The following SIAH3 variants were observed in gnomAD, a reference collection of about 807,000 sequenced individuals.
SIAH3 encodes siah E3 ubiquitin protein ligase family member 3.
In SIAH3, 9 loss-of-function variants were observed where a neutral mutation model predicts 12.6. That is an observed-to-expected ratio of 0.72 (90% CI 0.43 to 1.25). SIAH3 has a LOEUF of 1.25. Among genes scored for constraint, SIAH3 ranks in the 50% most tolerant of loss-of-function variants. SIAH3 has a pLI of 0.00. For synonymous variants in SIAH3, 154 were observed against 151.1 expected, an observed-to-expected ratio of 1.02 and a Z score of -0.14; for missense variants, 390 against 365.4, an observed-to-expected ratio of 1.07 and a Z score of -0.55.
chr13:45,849,912 A>G (rs1440315067), intron 1 of SIAH3, among the ~76,000 whole-genome samples: 1 of 152,258 alleles, frequency 6.6e-6, no homozygotes, highest in Non-Finnish European at 1.5e-5. Context: ...GGAAAAAATA[A>G]TGGAAGTTTG....
At chr13:45,789,374 ATCTATCT>A (rs1950538405) in intron 1 of SIAH3, among the ~76,000 whole-genome samples, 1 of 33,620 alleles carries the variant, frequency 3.0e-5, no homozygotes, top group African/African-American at 1.0e-4. Context: ...CTATCTATCT[ATCTATCT>A]ATCTATCTAT....
chr13:45,823,191 A>G (rs1950662463), intron 1 of SIAH3, among the ~76,000 whole-genome samples: 1 of 152,168 alleles, frequency 6.6e-6, no homozygotes, highest in Non-Finnish European at 1.5e-5. Context: ...TCTTAACTGT[A>G]AAGGCACAAT....
intron 1 of SIAH3, among the ~76,000 whole-genome samples, chr13:45,831,995 C>T (rs529865372): frequency 3.9e-5 from 6 of 152,116 alleles, no homozygotes; most frequent in East Asian, 1.9e-4. Flanking sequence ...TTTGGGAGGG[C>T]GGGAGAGCAT....
chr13:45,812,010 C>T (rs1376441366), intron 1 of SIAH3, among the ~76,000 whole-genome samples: 12 of 152,168 alleles, frequency 7.9e-5, no homozygotes, highest in Admixed American at 7.9e-4. Context: ...GACTCCAGCC[C>T]CACTCTCCCC....
chr13:45,836,328 C>T (rs1950717529), intron 1 of SIAH3, among the ~76,000 whole-genome samples: 1 of 152,182 alleles, frequency 6.6e-6, no homozygotes, highest in Non-Finnish European at 1.5e-5. Flanking sequence ...CAGTGATAGA[C>T]TGGGTAAAGA....
intron 1 of SIAH3, among the ~76,000 whole-genome samples, chr13:45,801,471 C>T (rs1267237907): frequency 2.0e-5 from 3 of 152,226 alleles, no homozygotes; most frequent in South Asian, 2.1e-4. Context: ...GAAAGCAAGA[C>T]GAGAGTAAGA....
At chr13:45,841,357 C>T (rs185394346) in intron 1 of SIAH3, among the ~76,000 whole-genome samples, 212 of 152,306 alleles carry the variant, frequency 1.4e-3, no homozygotes, top group African/African-American at 4.9e-3. Context: ...TAACCCTGCC[C>T]TCCCTCTCCA....
intron 1 of SIAH3, among the ~76,000 whole-genome samples, chr13:45,845,425 T>C (rs975634653): frequency 6.6e-6 from 1 of 152,200 alleles, no homozygotes; most frequent in Non-Finnish European, 1.5e-5. Context: ...AAGATTTAAG[T>C]TGTCCATCAC....
At chr13:45,807,631 G>A (rs182947665) in intron 1 of SIAH3, among the ~76,000 whole-genome samples, 1 of 152,252 alleles carries the variant, frequency 6.6e-6, no homozygotes, top group Non-Finnish European at 1.5e-5. Flanking sequence ...AGAACTTAGG[G>A]ACCTAGAGAA....
intron 1 of SIAH3, among the ~76,000 whole-genome samples, chr13:45,801,098 G>GGA (rs776800848): frequency 2.4e-5 from 3 of 122,884 alleles, no homozygotes; most frequent in Admixed American, 7.3e-5. Flanking sequence ...TGGGTGGCGG[G>GGA]GGGGGGCATG....
At chr13:45,805,055 C>T (rs139531711) in intron 1 of SIAH3, among the ~76,000 whole-genome samples, 55 of 150,124 alleles carry the variant, frequency 3.7e-4, no homozygotes, top group Middle Eastern at 3.4e-3. Flanking sequence ...AAGATCTCTA[C>T]AAGGAGAACT....
chr13:45,832,647 T>C (rs1950703368), intron 1 of SIAH3, among the ~76,000 whole-genome samples: 1 of 152,222 alleles, frequency 6.6e-6, no homozygotes, highest in Admixed American at 6.5e-5. Flanking sequence ...GCAATAAACA[T>C]CCGTTTGACT....
At chr13:45,799,450 G>C (rs1235364975) in intron 1 of SIAH3, among the ~76,000 whole-genome samples, 1 of 152,240 alleles carries the variant, frequency 6.6e-6, no homozygotes, top group Non-Finnish European at 1.5e-5. Flanking sequence ...GGGCATGCTT[G>C]AAATACGGAA....
In SIAH3 at chr13:45,816,180, G is replaced by A. The variant is rs566772431; in HGVS notation, c.136-32123C>T. Reference sequence around the variant, plus strand: ...CTGATTGAGACCTGAAGGAGCTGACGTCAAAGCTTCATCCTTGCTGATGTA... The same window carrying A: ...CTGATTGAGACCTGAAGGAGCTGACATCAAAGCTTCATCCTTGCTGATGTA... On this transcript the variant is annotated intron_variant, in intron 1 of 1. Coordinates refer to ENST00000400405, the MANE Select transcript of SIAH3 (RefSeq NM_198849.3). 2.6e-5 allele frequency among the ~76,000 whole-genome samples: 4 copies of A among 152,342 alleles called. No homozygotes were observed. In the South Asian group the frequency reaches 8.3e-4, roughly 32 times the overall value.
chr13:45,840,730 G>A (rs1443903733), intron 1 of SIAH3, among the ~76,000 whole-genome samples: 1 of 152,200 alleles, frequency 6.6e-6, no homozygotes, highest in Non-Finnish European at 1.5e-5. Flanking sequence ...TCCCAGCTCA[G>A]CGTTTTAAAG....
chr13:45,807,342 G>C (rs1950601422), intron 1 of SIAH3, among the ~76,000 whole-genome samples: 2 of 151,380 alleles, frequency 1.3e-5, no homozygotes, highest in African/African-American at 4.8e-5. Flanking sequence ...ATTATAGTCA[G>C]ATTGCTGAAA....
At chr13:45,799,529 G>A (rs890465920) in intron 1 of SIAH3, among the ~76,000 whole-genome samples, 1 of 152,156 alleles carries the variant, frequency 6.6e-6, no homozygotes, top group African/African-American at 2.4e-5. Context: ...CTTAATCCTC[G>A]TGTGGCCTCC....
At chr13:45,811,433 T>C (rs1950616026) in intron 1 of SIAH3, among the ~76,000 whole-genome samples, 1 of 152,224 alleles carries the variant, frequency 6.6e-6, no homozygotes, top group Admixed American at 6.5e-5. Flanking sequence ...AAGGGTACTT[T>C]TTTTGAGACA....
At chr13:45,809,206 A>G (rs1950608220) in intron 1 of SIAH3, among the ~76,000 whole-genome samples, 2 of 152,152 alleles carry the variant, frequency 1.3e-5, no homozygotes, top group South Asian at 2.1e-4. Flanking sequence ...AGGTGGGGAG[A>G]ATGCGTGTGT....
Sources: allele counts gnomAD v4.1 joint callset (sites outside exome capture counted in the v4.1 genomes callset), GRCh38; gene constraint gnomAD v4.1.1; transcripts MANE v1.5; gene names NCBI Gene and HGNC (gene_info 2026-07-23, HGNC 2026-07-21).